The following NALCN variants were observed in gnomAD, a reference collection of about 807,000 sequenced individuals.
NALCN encodes sodium leak channel, non-selective.
NALCN carries 111 observed loss-of-function variants against 225.3 expected under a neutral mutation model. The observed-to-expected ratio is 0.49, with a 90% CI of 0.42 to 0.58. The LOEUF (loss-of-function observed/expected upper bound fraction) is 0.58, where lower values mean the gene tolerates loss of function less well. Ranked by LOEUF, NALCN falls within the 20% of genes least tolerant of loss-of-function variation. NALCN has a pLI of 0.00. For synonymous variants in NALCN, 764 were observed against 769.0 expected, an observed-to-expected ratio of 0.99 and a Z score of 0.11; for missense variants, 1,378 against 2,202.4, an observed-to-expected ratio of 0.63 and a Z score of 7.49.
intron 39 of NALCN, among the ~76,000 whole-genome samples, chr13:101,066,611 C>T (rs554716847): frequency 2.0e-5 from 3 of 152,104 alleles, no homozygotes; most frequent in South Asian, 4.2e-4. Flanking sequence ...AGCAGGTTCC[C>T]GTGGGTGACA....
At chr13:101,315,394 A>G (rs1333174685) in intron 7 of NALCN, among the ~76,000 whole-genome samples, 1 of 152,156 alleles carries the variant, frequency 6.6e-6, no homozygotes, top group African/African-American at 2.4e-5. Context: ...TTGATATTAC[A>G]GGATCACTAG....
chr13:101,082,865 C>G lies in NALCN; in HGVS notation c.3709G>C (p.Val1237Leu). ...GACATTGTTGCCAAAGGTACGGTCA[C>G]CGGGTCCTCGACGTCCCACTGCAAC... Reference protein sequence around the residue: ...LSVKWDVEDPVTVPLATMSVV... With the variant: ...LSVKWDVEDPLTVPLATMSVV... Residue 1237 changes from valine (V) to leucine (L), a missense_variant, in exon 33 of 44, where the codon GTG (valine) becomes CTG (leucine). By Grantham distance (32) the Val-to-Leu change is conservative. Around this residue, in one of 19 missense-constraint regions of NALCN, gnomAD observed 98 missense variants for 156.6 expected, o/e 0.63. Transcript: ENST00000251127. 1 of 1,614,176 alleles carries G rather than the reference C, an allele frequency of 6.2e-7. No homozygotes were observed. Among genetic ancestry groups the G allele is most frequent in the South Asian group, 1.1e-5 (1 of 91,080 alleles).
At chr13:101,060,003 C>G in intron 41 of NALCN, 36 bp from the exon 42 acceptor site, 3 of 1,607,716 alleles carry the variant, frequency 1.9e-6, no homozygotes, top group Non-Finnish European at 2.6e-6. Flanking sequence ...GTAAAATAAG[C>G]CCAGCATCCT....
At chr13:101,196,343 T>C (rs1473442336) in intron 13 of NALCN, among the ~76,000 whole-genome samples, 2 of 152,244 alleles carry the variant, frequency 1.3e-5, no homozygotes, top group African/African-American at 2.4e-5. Context: ...GCAGATGTTC[T>C]TTCTTTAAAC....
chr13:101,081,771 G>A (rs753173637), intron 33 of NALCN, 125 bp from the exon 34 acceptor site: 3 of 1,196,616 alleles, frequency 2.5e-6, no homozygotes, highest in Non-Finnish European at 3.4e-6. Flanking sequence ...ATTATTTGAT[G>A]TGGACACAGT....
intron 10 of NALCN, among the ~76,000 whole-genome samples, chr13:101,267,203 G>T (rs187255843): frequency 6.6e-6 from 1 of 152,338 alleles, no homozygotes; most frequent in Admixed American, 6.5e-5. Flanking sequence ...TACTCTGTAA[G>T]AGTAAGGTTA....
In NALCN at chr13:101,122,943, C is replaced by T. The variant is rs368315021; in HGVS notation, c.2192+1665G>A. On this transcript the variant is annotated intron_variant, in intron 18 of 43. Coordinates refer to ENST00000251127, the MANE Select transcript of NALCN (RefSeq NM_052867.4). ...CTTTTTGGAGAAATCCAGGTGGGAA[C>T]GGTCCTTTTGCTTGGCAACCCAGAG... Among the ~76,000 whole-genome samples the T allele has an allele frequency of 6.6e-5, 10 of 152,274 alleles. No homozygotes were observed. In the East Asian group the frequency reaches 9.7e-4, roughly 15 times the overall value.
chr13:101,271,639 CGTGT>C (rs1477666572), intron 10 of NALCN, among the ~76,000 whole-genome samples: 12 of 151,238 alleles, frequency 7.9e-5, no homozygotes, highest in African/African-American at 1.5e-4. Flanking sequence ...GAGGTATGTG[CGTGT>C]GTATGTGTGA....
chr13:101,189,663 C>G (rs1236469129), intron 14 of NALCN, among the ~76,000 whole-genome samples: 1 of 152,234 alleles, frequency 6.6e-6, no homozygotes, highest in Non-Finnish European at 1.5e-5. Flanking sequence ...TACGACACCA[C>G]ATTTACCAAA....
At chr13:101,301,364 T>C (rs1310910688) in intron 7 of NALCN, among the ~76,000 whole-genome samples, 1 of 152,128 alleles carries the variant, frequency 6.6e-6, no homozygotes, top group Non-Finnish European at 1.5e-5. Context: ...CATTCTGCCT[T>C]TGAGGAGCAG....
At chr13:101,111,260 T>A (rs1044931340) in intron 18 of NALCN, 34 bp from the exon 19 acceptor site, 1 of 1,549,588 alleles carries the variant, frequency 6.5e-7, no homozygotes, top group South Asian at 1.1e-5. Context: ...GATAAATGCA[T>A]GGTTTGTACA....
At chr13:101,355,043 C>T (rs966935231) in intron 6 of NALCN, among the ~76,000 whole-genome samples, 1 of 152,052 alleles carries the variant, frequency 6.6e-6, no homozygotes, top group African/African-American at 2.4e-5. Flanking sequence ...TGGTCATTTA[C>T]AAGTGTAGGG....
At chr13:101,195,340 A>C (rs2039845465) in intron 13 of NALCN, among the ~76,000 whole-genome samples, 1 of 152,116 alleles carries the variant, frequency 6.6e-6, no homozygotes. Context: ...TGTTCAGTGC[A>C]TTTTCCCCTA....
chr13:101,361,051 C>T (rs2046238378), intron 6 of NALCN, among the ~76,000 whole-genome samples: 1 of 152,168 alleles, frequency 6.6e-6, no homozygotes, highest in Admixed American at 6.6e-5. Context: ...GAATCTCAGC[C>T]TTGCCTAAAA....
intron 15 of NALCN, among the ~76,000 whole-genome samples, chr13:101,149,945 G>A (rs888964290): frequency 1.3e-5 from 2 of 152,212 alleles, no homozygotes; most frequent in African/African-American, 4.8e-5. Flanking sequence ...CACCCACAAG[G>A]CACAAGCCCT....
At chr13:101,210,102 C>T (rs531356665) in intron 13 of NALCN, among the ~76,000 whole-genome samples, 1 of 152,162 alleles carries the variant, frequency 6.6e-6, no homozygotes, top group Non-Finnish European at 1.5e-5. Context: ...TCTGCTTTTC[C>T]TTTTGTATTG....
intron 7 of NALCN, among the ~76,000 whole-genome samples, chr13:101,308,627 A>G (rs1467709639): frequency 1.3e-5 from 2 of 152,332 alleles, no homozygotes; most frequent in East Asian, 1.9e-4. Context: ...CTGAGACTCA[A>G]AGTAGCTATG....
chr13:101,117,133 T>G (rs1454518186), intron 18 of NALCN: 1 of 347,468 alleles, frequency 2.9e-6, no homozygotes, highest in Admixed American at 3.9e-5. Flanking sequence ...CCCAATCTTG[T>G]GTTATTCATA....
At chr13:101,224,584 C>T (rs2140118251) in intron 13 of NALCN, among the ~76,000 whole-genome samples, 1 of 152,262 alleles carries the variant, frequency 6.6e-6, no homozygotes, top group South Asian at 2.1e-4. Context: ...TCGCTGTCTT[C>T]CTCAGCTTAC....
Sources: gnomAD v4.1 joint callset for allele counts (sites outside exome capture counted in the v4.1 genomes callset) on GRCh38, gnomAD v4.1.1 for gene constraint, gnomAD v4.1.1 regional missense constraint, MANE v1.5 for transcripts, NCBI Gene and HGNC (gene_info 2026-07-23, HGNC 2026-07-21) for gene names.